Variants in TBK1 observed in about 807,000 individuals in gnomAD.
TBK1 encodes the protein TANK binding kinase 1.
In TBK1, 37 loss-of-function variants were observed where a neutral mutation model predicts 99.9. The observed-to-expected ratio is 0.37, with a 90% CI of 0.28 to 0.49. The LOEUF (loss-of-function observed/expected upper bound fraction) is 0.49, where lower values mean the gene tolerates loss of function less well. Among genes scored for constraint, TBK1 ranks in the 20% least tolerant of loss-of-function variants. The pLI is 0.98. For missense variants in TBK1, 644 were observed against 872.5 expected (o/e 0.74, Z 3.30); for synonymous variants, 258 against 279.8 (o/e 0.92, Z 0.78).
intron 6 of TBK1, among the ~76,000 whole-genome samples, chr12:64,478,614 A>G (rs1470920958): frequency 2.0e-5 from 3 of 152,212 alleles, no homozygotes; most frequent in Non-Finnish European, 4.4e-5. Context: ...GACTTTTTCT[A>G]TAACTTGGGT....
At chr12:64,468,823 C>T (rs534433470) in intron 5 of TBK1, among the ~76,000 whole-genome samples, 1 of 152,150 alleles carries the variant, frequency 6.6e-6, no homozygotes, top group Non-Finnish European at 1.5e-5. Context: ...AAGAAGCAAG[C>T]CAGGCACAGC....
chr12:64,460,237 C>T lies in TBK1; in HGVS notation c.136C>T (p.Leu46Phe). 1 of 1,573,336 alleles carries T rather than the reference C, an allele frequency of 6.4e-7. No homozygotes were observed. Among genetic ancestry groups the T allele is most frequent in the South Asian group, 1.2e-5 (1 of 83,676 alleles). ...CAAAGTATTTAATAACATAAGCTTC[C>T]TTCGTCCAGTGGATGTTCAAATGAG... ...AIKVFNNISF[L>F]RPVDVQMREF... is the part of the protein sequence containing the mutation. Residue 46 changes from leucine (L) to phenylalanine (F), a missense_variant, in exon 3 of 21, where the codon CTT (leucine) becomes TTT (phenylalanine). Around this residue, in one of 3 missense-constraint regions of TBK1, gnomAD observed 148 missense variants for 202.1 expected, o/e 0.73. Transcript: ENST00000331710.
At chr12:64,459,632 A>G (rs1021493473) in intron 2 of TBK1, among the ~76,000 whole-genome samples, 1 of 152,146 alleles carries the variant, frequency 6.6e-6, no homozygotes, top group Non-Finnish European at 1.5e-5. Context: ...CAGGAAGTCT[A>G]CTTTAGCCTC....
intron 13 of TBK1, among the ~76,000 whole-genome samples, chr12:64,491,669 A>G (rs552944944): frequency 7.2e-5 from 11 of 152,136 alleles, no homozygotes; most frequent in Non-Finnish European, 1.6e-4. Context: ...AGCTTTTAGT[A>G]TTCGAAGTAT....
At position 64,464,462 on chromosome 12, in the gene TBK1, G is replaced by A; in HGVS notation, c.357G>A (p.Val119=). The change falls in exon 4 of 21, where the codon GTG becomes GTA. Residue 119 remains valine (V), a splice_region_variant and synonymous_variant. Transcript: ENST00000331710. ...ESEFLIVLRD[V]VGGMNHLREN... is the part of the protein sequence containing the mutation. ...AATTCTTAATTGTTTTGCGAGATGTGGGTATGTTTGTTTATTTATATGATA... is the reference window on the plus strand; with the variant it reads ...AATTCTTAATTGTTTTGCGAGATGTAGGTATGTTTGTTTATTTATATGATA... The A allele has an allele frequency of 1.3e-6, 2 of 1,565,300 alleles. No homozygotes were observed. Among genetic ancestry groups the A allele is most frequent in the Non-Finnish European group, 1.7e-6 (2 of 1,157,088 alleles).
At position 64,465,242 on chromosome 12, in the gene TBK1, CA is replaced by C. The variant is rs57575805; in HGVS notation, c.358+801del. Among the ~76,000 whole-genome samples, 220 of 57,896 alleles carry C rather than the reference CA, an allele frequency of 3.8e-3. 1 individual carries two copies. Among genetic ancestry groups the C allele is most frequent in the African/African-American group, 0.016 (204 of 12,678 alleles). 38.0% of individuals were successfully genotyped at this position (57,896 alleles called of 152,430 possible). ...CCTGGGCAACAAAGCAAGACTATCT[CA>C]AAAAAAAAAAAAAAAAAAAAACAAG... On this transcript the variant is annotated intron_variant, in intron 4 of 20. Coordinates refer to ENST00000331710, the MANE Select transcript of TBK1 (RefSeq NM_013254.4).
At chr12:64,470,874 A>G (rs1487472422) in intron 5 of TBK1, among the ~76,000 whole-genome samples, 1 of 152,200 alleles carries the variant, frequency 6.6e-6, no homozygotes, top group Non-Finnish European at 1.5e-5. Flanking sequence ...TTTGCCTCTA[A>G]GACTTTTAAC....
intron 5 of TBK1, among the ~76,000 whole-genome samples, chr12:64,473,501 A>G (rs1374443851): frequency 6.6e-6 from 1 of 152,216 alleles, no homozygotes; most frequent in Admixed American, 6.5e-5. Flanking sequence ...TGCTGCATTA[A>G]ATAAGTGGGA....
intron 13 of TBK1, among the ~76,000 whole-genome samples, chr12:64,490,386 G>A (rs553550334): frequency 2.0e-5 from 3 of 152,300 alleles, no homozygotes; most frequent in African/African-American, 7.2e-5. Flanking sequence ...TTCTTATAGA[G>A]ATGATATTTC....
At chr12:64,453,858 C>T (rs1371018622) in intron 1 of TBK1, among the ~76,000 whole-genome samples, 1 of 152,142 alleles carries the variant, frequency 6.6e-6, no homozygotes, top group Non-Finnish European at 1.5e-5. Flanking sequence ...ATAATACAGG[C>T]TACTTGGTAC....
intron 4 of TBK1, among the ~76,000 whole-genome samples, chr12:64,465,696 A>G (rs1198149760): frequency 6.6e-6 from 1 of 152,116 alleles, no homozygotes; most frequent in East Asian, 1.9e-4. Context: ...GCAATATTAT[A>G]TGATTCCATT....
chr12:64,501,703 G>A lies in TBK1; in HGVS notation c.*322G>A, dbSNP rs972639475. 26 of 211,412 alleles carry A rather than the reference G, an allele frequency of 1.2e-4. No homozygotes were observed. Among genetic ancestry groups the A allele is most frequent in the African/African-American group, 3.7e-4 (16 of 43,076 alleles). 13.1% of individuals were successfully genotyped at this position (211,412 alleles called of 1,614,324 possible). On this transcript the variant is annotated 3_prime_UTR_variant, in exon 21 of 21. Transcript: ENST00000331710. ...GCTAAATAAGTTATTTTCTCTGACC[G>A]CCTACTGGAAATATTTTTAAGTGGA... is the stretch of plus-strand genomic sequence containing the variant.
intron 11 of TBK1, among the ~76,000 whole-genome samples, chr12:64,487,445 T>C (rs995356562): frequency 2.0e-5 from 3 of 152,200 alleles, no homozygotes; most frequent in African/African-American, 7.2e-5. Context: ...TAGCATTATA[T>C]GAAACCCATA....
intron 1 of TBK1, chr12:64,452,599 C>T (rs2040439741): frequency 6.6e-6 from 1 of 152,224 alleles, no homozygotes; most frequent in Non-Finnish European, 1.5e-5. Flanking sequence ...CTGTTTTCTA[C>T]CCTCTTTCCG....
At position 64,487,752 on chromosome 12, in the gene TBK1, G is replaced by T. The variant is rs186784618; in HGVS notation, c.1341-735G>T. 1.8e-3 allele frequency among the ~76,000 whole-genome samples: 271 copies of T among 152,254 alleles called. 6 individuals carry two copies. The highest frequency in any genetic ancestry group is 4.7e-4 in the Non-Finnish European group (32 of 68,012). ...ATTTTAGACTTTGTGAGCTGCATAT[G>T]GTCTCTTCTTTGTTTTTACAATCTT... On this transcript the variant is annotated intron_variant, in intron 11 of 20. Coordinates refer to ENST00000331710, the MANE Select transcript of TBK1 (RefSeq NM_013254.4).
rs143086430 is a variant in TBK1, at chr12:64,465,748, A to G, written c.359-1153A>G. ...AATAGGCAAATCCATAGAGACAGAAAACAGATTAGTGGTTTCTGGGGGATC... is the reference window on the plus strand; with the variant it reads ...AATAGGCAAATCCATAGAGACAGAAGACAGATTAGTGGTTTCTGGGGGATC... On this transcript the variant is annotated intron_variant, in intron 4 of 20. Transcript: ENST00000331710. Among the ~76,000 whole-genome samples, 348 of 152,296 alleles carry G rather than the reference A, an allele frequency of 2.3e-3. 2 individuals carry two copies. Among genetic ancestry groups the G allele is most frequent in the Middle Eastern group, 0.014 (4 of 294 alleles).
chr12:64,498,079 A>AT lies in TBK1; in HGVS notation c.2138+42dup, dbSNP rs773706317. On this transcript the variant is annotated intron_variant, in intron 20 of 20. Transcript: ENST00000331710. ...AATAATTACTGTGATTTTCTGTGCAATTGAGTTCATTCACATCTGTACTTA... is the reference window on the plus strand; with the variant it reads ...AATAATTACTGTGATTTTCTGTGCAATTTGAGTTCATTCACATCTGTACTTA... 4 of 1,514,720 alleles carry AT rather than the reference A, an allele frequency of 2.6e-6. No individual in the cohort carries two copies. In the African/African-American group the frequency reaches 5.5e-5, roughly 21 times the overall value. The allele number at this position is 1,514,720 out of a possible 1,614,324, so 93.8% of individuals were successfully genotyped here.
At chr12:64,487,421 C>CT (rs897066309) in intron 11 of TBK1, among the ~76,000 whole-genome samples, 9 of 151,308 alleles carry the variant, frequency 5.9e-5, no homozygotes, top group African/African-American at 4.8e-5. Context: ...TTTTAGGCTC[C>CT]TTTTTTTTTC....
intron 1 of TBK1, among the ~76,000 whole-genome samples, chr12:64,454,978 ATT>A (rs769869887): frequency 8.0e-6 from 1 of 125,568 alleles, no homozygotes; most frequent in African/African-American, 3.0e-5. Context: ...CGCCCGGCCA[ATT>A]TTTTTTTTTT....
Sources: gnomAD v4.1 joint callset for allele counts (sites outside exome capture counted in the v4.1 genomes callset) on GRCh38, gnomAD v4.1.1 for gene constraint, gnomAD v4.1.1 regional missense constraint, MANE v1.5 for transcripts, NCBI Gene and HGNC (gene_info 2026-07-23, HGNC 2026-07-21) for gene names.